The following PRKAR1A variants were observed in gnomAD, a reference collection of about 807,000 sequenced individuals.
The protein encoded by PRKAR1A is cAMP-dependent protein kinase type I-alpha regulatory subunit.
Under a neutral mutation model 52.0 loss-of-function variants are expected in PRKAR1A, and 3 were observed. The observed-to-expected ratio is 0.06, with a 90% CI of 0.03 to 0.15. PRKAR1A has a LOEUF of 0.15. Ranked by LOEUF, PRKAR1A falls within the 10% of genes least tolerant of loss-of-function variation. The probability of loss-of-function intolerance (pLI) is 1.00; values close to 1 mark genes in which losing one functional copy is unlikely to be tolerated. For synonymous variants in PRKAR1A, 188 were observed against 168.4 expected, an observed-to-expected ratio of 1.12 and a Z score of -0.90; for missense variants, 240 against 477.4, an observed-to-expected ratio of 0.50 and a Z score of 4.63.
chr17:68,547,314 C>T (rs2086616744), intron 11 of PRKAR1A, among the ~76,000 whole-genome samples: 1 of 152,114 alleles, frequency 6.6e-6, no homozygotes, highest in Non-Finnish European at 1.5e-5. Context: ...GGTACATGTG[C>T]ACAACATGCA....
At chr17:68,543,594 A>C (rs772245726) in intron 11 of PRKAR1A, 1 of 1,590,324 alleles carries the variant, frequency 6.3e-7, no homozygotes, top group Non-Finnish European at 8.6e-7. Context: ...ATTGGTCCTT[A>C]TAGGCAATGC....
At chr17:68,479,204 G>A in the PRKAR1A span, among the ~76,000 whole-genome samples, 1 of 152,198 alleles carries the variant, frequency 6.6e-6, no homozygotes, top group South Asian at 2.1e-4. Flanking sequence ...ACTTGTTTAG[G>A]TTTATTCACA....
rs1196461251 is a variant in PRKAR1A at position 68,530,938 on chromosome 17, TAGAA to T, written c.*493_*496del. 8 of 1,096,752 alleles carry T rather than the reference TAGAA, an allele frequency of 7.3e-6. No homozygotes were observed. The highest frequency in any genetic ancestry group is 7.8e-6 in the Non-Finnish European group (7 of 896,690). 67.9% of individuals were successfully genotyped at this position (1,096,752 alleles called of 1,614,324 possible). ...ATGGATATAGAAAATCTTAGTATAGTAGAAAGACATCTGCCTGTAATTAAACTAG... is the reference window on the plus strand; with the variant it reads ...ATGGATATAGAAAATCTTAGTATAGTAGACATCTGCCTGTAATTAAACTAG... On this transcript the variant is annotated 3_prime_UTR_variant, in exon 11 of 11. Coordinates refer to ENST00000589228, the MANE Select transcript of PRKAR1A (RefSeq NM_002734.5).
chr17:68,537,500 CAG>C, downstream of PRKAR1A: 1 of 1,613,980 alleles, frequency 6.2e-7, no homozygotes, highest in Non-Finnish European at 8.5e-7. This position sits in a 1 kb window ranked among gnomAD's most constrained non-coding sequence, Gnocchi z 4.2. Flanking sequence ...TTAGCCTGGC[CAG>C]AGTCTGGGGC....
the PRKAR1A span, chr17:68,421,995 T>C: frequency 1.4e-6 from 1 of 690,348 alleles, no homozygotes; most frequent in African/African-American, 1.8e-5. Flanking sequence ...TATTTAGGTG[T>C]AGACAAGTAT....
At chr17:68,478,224 G>T in the PRKAR1A span, among the ~76,000 whole-genome samples, 4 of 152,172 alleles carry the variant, frequency 2.6e-5, no homozygotes, top group African/African-American at 4.8e-5. Context: ...GGGGCCGAGG[G>T]GGGTGGATCA....
chr17:68,450,807 A>T, the PRKAR1A span: 1 of 1,614,112 alleles, frequency 6.2e-7, no homozygotes, highest in Non-Finnish European at 8.5e-7. Flanking sequence ...GAAGTGATAC[A>T]CGTTCATCTG....
At chr17:68,526,992 G>A (rs183450654) in intron 7 of PRKAR1A, among the ~76,000 whole-genome samples, 5 of 152,330 alleles carry the variant, frequency 3.3e-5, no homozygotes, top group African/African-American at 4.8e-5. Flanking sequence ...TGATGTGACA[G>A]TCTACTGGAG....
intron 11 of PRKAR1A, among the ~76,000 whole-genome samples, chr17:68,550,369 C>T (rs902268419): frequency 7.3e-4 from 58 of 79,292 alleles, no homozygotes; most frequent in Admixed American, 1.1e-3. Context: ...AATGGGGGAA[C>T]TTTTTTTTTT....
chr17:68,482,070 G>T, the PRKAR1A span, among the ~76,000 whole-genome samples: 1 of 152,190 alleles, frequency 6.6e-6, no homozygotes, highest in Non-Finnish European at 1.5e-5. Flanking sequence ...TCCAGTGGGG[G>T]ATGTAAAAGC....
chr17:68,529,101 A>G (rs1326674949), intron 9 of PRKAR1A, 110 bp downstream of exon 9: 5 of 1,313,068 alleles, frequency 3.8e-6, no homozygotes, highest in Non-Finnish European at 5.3e-6. Flanking sequence ...ATTCTGAACT[A>G]TAGCTTTAGT....
the PRKAR1A span, chr17:68,430,052 A>G: frequency 6.2e-7 from 1 of 1,614,146 alleles, no homozygotes; most frequent in Non-Finnish European, 8.5e-7. Flanking sequence ...CAGTGGCAAA[A>G]GCCCTGTCCT....
At chr17:68,456,821 C>T in the PRKAR1A span, among the ~76,000 whole-genome samples, 1 of 152,182 alleles carries the variant, frequency 6.6e-6, no homozygotes, top group Non-Finnish European at 1.5e-5. Context: ...CTGGCCTGGC[C>T]GCAGGGATAG....
At chr17:68,474,954 A>T in the PRKAR1A span, among the ~76,000 whole-genome samples, 95 of 152,212 alleles carry the variant, frequency 6.2e-4, no homozygotes, top group African/African-American at 1.5e-3. Flanking sequence ...AGTAAATTTT[A>T]AAAAAAATGT....
At chr17:68,426,007 G>T in the PRKAR1A span, 1 of 1,249,462 alleles carries the variant, frequency 8.0e-7, no homozygotes, top group Non-Finnish European at 1.2e-6. Flanking sequence ...TCTGCCTCTC[G>T]TATGAGGCGA....
At position 68,528,861 on chromosome 17, in the gene PRKAR1A, G is replaced by T. The variant is rs562094333; in HGVS notation, c.770-9G>T. 711 of 1,613,620 alleles carry T rather than the reference G, an allele frequency of 4.4e-4. 15 individuals are homozygous for T. The South Asian group carries it at 7.4e-3, about 17-fold the overall frequency. On this transcript the variant is annotated splice_polypyrimidine_tract_variant and intron_variant, in intron 8 of 10. Coordinates refer to ENST00000589228, the MANE Select transcript of PRKAR1A (RefSeq NM_002734.5). ...ATACAGAGCAGTTATTTTGATTCTT[G>T]TCTTTCAGAGTCTCTGGACAAGTGG...
At chr17:68,485,886 G>A in the PRKAR1A span, among the ~76,000 whole-genome samples, 82 of 152,132 alleles carry the variant, frequency 5.4e-4, no homozygotes, top group South Asian at 4.0e-3. Context: ...TTACAGATGC[G>A]TGCCACCATG....
the PRKAR1A span, chr17:68,435,536 C>T: frequency 7.5e-7 from 1 of 1,335,460 alleles, no homozygotes; most frequent in African/African-American, 1.4e-5. Context: ...CTTCATGTCA[C>T]CAGGTTTGTT....
chr17:68,426,295 T>A, the PRKAR1A span: 2 of 779,018 alleles, frequency 2.6e-6, no homozygotes, highest in East Asian at 5.3e-5. Flanking sequence ...CTGTCTGTCT[T>A]CCCCCTGGAG....
Sources: allele counts gnomAD v4.1 joint callset (sites outside exome capture counted in the v4.1 genomes callset), GRCh38; gene constraint gnomAD v4.1.1; non-coding constraint Gnocchi (gnomAD v3.1); transcripts MANE v1.5; gene names NCBI Gene and HGNC (gene_info 2026-07-23, HGNC 2026-07-21).